The following KCNK1 variants were observed in gnomAD, a reference collection of about 807,000 sequenced individuals.
KCNK1 encodes potassium channel subfamily K member 1.
Under a neutral mutation model 22.2 loss-of-function variants are expected in KCNK1, and 10 were observed. The observed-to-expected ratio is 0.45, with a 90% CI of 0.28 to 0.76. KCNK1 has a LOEUF of 0.76. Among genes scored for constraint, KCNK1 ranks in the 30% least tolerant of loss-of-function variants. The pLI is 0.14. For synonymous variants in KCNK1, 200 were observed against 186.4 expected, an observed-to-expected ratio of 1.07 and a Z score of -0.60; for missense variants, 378 against 421.0, an observed-to-expected ratio of 0.90 and a Z score of 0.89.
At chr1:233,632,213 T>C (rs1386846224) in intron 1 of KCNK1, among the ~76,000 whole-genome samples, 1 of 152,256 alleles carries the variant, frequency 6.6e-6, no homozygotes, top group East Asian at 1.9e-4. Flanking sequence ...CACAGGCTGC[T>C]GCTTAAGTTA....
At chr1:233,622,795 CT>C (rs1181667833) in intron 1 of KCNK1, among the ~76,000 whole-genome samples, 1 of 152,140 alleles carries the variant, frequency 6.6e-6, no homozygotes, top group Non-Finnish European at 1.5e-5. Flanking sequence ...TGGAAAACAG[CT>C]GATTGTTATA....
intron 1 of KCNK1, among the ~76,000 whole-genome samples, chr1:233,655,511 G>A (rs1253090594): frequency 6.6e-6 from 1 of 152,168 alleles, no homozygotes; most frequent in Non-Finnish European, 1.5e-5. Flanking sequence ...GATGCCAGGG[G>A]TAGAATGTTA....
chr1:233,642,203 T>C (rs1159435519), intron 1 of KCNK1, among the ~76,000 whole-genome samples: 2 of 152,198 alleles, frequency 1.3e-5, no homozygotes, highest in East Asian at 3.8e-4. Flanking sequence ...CTCATGCTAG[T>C]CACTCTACCT....
intron 1 of KCNK1, among the ~76,000 whole-genome samples, chr1:233,631,727 G>C (rs1377113053): frequency 6.6e-6 from 1 of 152,198 alleles, no homozygotes; most frequent in Non-Finnish European, 1.5e-5. Flanking sequence ...ATTTAGCTGT[G>C]TGTTCCTAAA....
At chr1:233,662,296 T>C (rs1009110902) in intron 1 of KCNK1, among the ~76,000 whole-genome samples, 21 of 151,572 alleles carry the variant, frequency 1.4e-4, no homozygotes, top group East Asian at 3.9e-4. Flanking sequence ...CCTCTTCCTC[T>C]TCTTCTTCTT....
chr1:233,661,987 C>T (rs61824321), intron 1 of KCNK1: 34,946 of 152,056 alleles, frequency 0.23, 4,429 homozygotes, highest in Non-Finnish European at 0.28. Context: ...ACCGGTGTTA[C>T]GGTTCACTGT....
intron 1 of KCNK1, among the ~76,000 whole-genome samples, chr1:233,628,669 G>A (rs1267371592): frequency 6.6e-6 from 1 of 151,952 alleles, no homozygotes; most frequent in Non-Finnish European, 1.5e-5. Context: ...CTGAGGTGGA[G>A]AATTGCTTGA....
chr1:233,641,219 G>A (rs1222053277), intron 1 of KCNK1, among the ~76,000 whole-genome samples: 4 of 152,106 alleles, frequency 2.6e-5, no homozygotes, highest in Non-Finnish European at 4.4e-5. Context: ...TCTGCCTGTC[G>A]GAGGGCTGAG....
intron 1 of KCNK1, among the ~76,000 whole-genome samples, chr1:233,618,667 C>T (rs746640511): frequency 8.0e-4 from 121 of 152,092 alleles, no homozygotes; most frequent in Non-Finnish European, 1.5e-3. Flanking sequence ...AGGCAGATCA[C>T]GAGGTCAAGA....
intron 1 of KCNK1, among the ~76,000 whole-genome samples, chr1:233,621,448 C>G (rs1657584210): frequency 1.3e-5 from 2 of 152,174 alleles, no homozygotes; most frequent in Non-Finnish European, 2.9e-5. Context: ...TAGTGGAGGA[C>G]AAGAGACAGA....
intron 1 of KCNK1, among the ~76,000 whole-genome samples, chr1:233,649,622 G>T (rs915655915): frequency 3.9e-5 from 6 of 152,160 alleles, no homozygotes; most frequent in African/African-American, 1.4e-4. Context: ...ATAAGGGCTT[G>T]CTCTCTGCTG....
intron 1 of KCNK1, among the ~76,000 whole-genome samples, chr1:233,646,991 G>C (rs1414304226): frequency 6.6e-6 from 1 of 152,180 alleles, no homozygotes; most frequent in Non-Finnish European, 1.5e-5. Flanking sequence ...AGCAGTGAGT[G>C]ACGCCTCTTA....
At chr1:233,615,128 C>G (rs1361374138) in intron 1 of KCNK1, among the ~76,000 whole-genome samples, 1 of 152,252 alleles carries the variant, frequency 6.6e-6, no homozygotes, top group Non-Finnish European at 1.5e-5. Context: ...TGACATCACT[C>G]TGCTCTTCCC....
At chr1:233,667,338 TA>T (rs1210712213) in intron 2 of KCNK1, among the ~76,000 whole-genome samples, 1 of 152,188 alleles carries the variant, frequency 6.6e-6, no homozygotes, top group African/African-American at 2.4e-5. Context: ...CAAAACTGTT[TA>T]TGCAAAAATC....
At chr1:233,616,577 A>T (rs891005531) in intron 1 of KCNK1, among the ~76,000 whole-genome samples, 1 of 152,212 alleles carries the variant, frequency 6.6e-6, no homozygotes, top group African/African-American at 2.4e-5. Context: ...TGCAAGGGGC[A>T]CTTAAGGATA....
chr1:233,668,367 C>G (rs1658535103), intron 2 of KCNK1, among the ~76,000 whole-genome samples: 1 of 152,190 alleles, frequency 6.6e-6, no homozygotes, highest in South Asian at 2.1e-4. Flanking sequence ...TCAGCCAAAA[C>G]AGACGTTACT....
At chr1:233,648,822 C>T (rs553378456) in intron 1 of KCNK1, among the ~76,000 whole-genome samples, 1 of 152,238 alleles carries the variant, frequency 6.6e-6, no homozygotes, top group Admixed American at 6.5e-5. Context: ...CTGCCTTGGC[C>T]CCCCAAAGTG....
At chr1:233,618,996 A>G (rs1001094506) in intron 1 of KCNK1, among the ~76,000 whole-genome samples, 1 of 152,180 alleles carries the variant, frequency 6.6e-6, no homozygotes, top group Admixed American at 6.5e-5. Flanking sequence ...TCCATGTGAC[A>G]GCTCAGTTCC....
At chr1:233,641,475 G>A (rs1333333611) in intron 1 of KCNK1, among the ~76,000 whole-genome samples, 1 of 152,216 alleles carries the variant, frequency 6.6e-6, no homozygotes, top group Non-Finnish European at 1.5e-5. Flanking sequence ...TGCAGCTGCA[G>A]TAAACAAAAA....
Sources: allele counts gnomAD v4.1 joint callset (sites outside exome capture counted in the v4.1 genomes callset), GRCh38; gene constraint gnomAD v4.1.1; transcripts MANE v1.5; gene names NCBI Gene and HGNC (gene_info 2026-07-23, HGNC 2026-07-21).